GREB1L: variants seen among roughly 807,000 people sequenced by gnomAD.
GREB1L encodes the protein GREB1-like protein.
Under a neutral mutation model 200.8 loss-of-function variants are expected in GREB1L, and 17 were observed. The observed-to-expected ratio is 0.08, with a 90% CI of 0.06 to 0.13. The LOEUF (loss-of-function observed/expected upper bound fraction) is 0.13, where lower values mean the gene tolerates loss of function less well. GREB1L is among the 10% of genes least tolerant of loss of function. The probability of loss-of-function intolerance (pLI) is 1.00; values close to 1 mark genes in which losing one functional copy is unlikely to be tolerated. For synonymous variants in GREB1L, 789 were observed against 893.0 expected (o/e 0.88, Z 2.08); for missense variants, 1,657 against 2,367.7 (o/e 0.70, Z 6.23).
intron 1 of GREB1L, among the ~76,000 whole-genome samples, chr18:21,276,309 A>G (rs759858450): frequency 2.6e-5 from 4 of 152,040 alleles, no homozygotes; most frequent in Non-Finnish European, 5.9e-5. Flanking sequence ...TAACTCTCCA[A>G]CCATTTATTC....
rs1294027013 is a variant in GREB1L at position 21,440,333 on chromosome 18, C to T, written c.1014C>T (p.Leu338=). Residue 338 remains leucine (L), a synonymous_variant, in exon 9 of 33, where the codon CTC becomes CTT. Coordinates refer to ENST00000424526, the MANE Select transcript of GREB1L (RefSeq NM_001142966.3). ...RHRGWYPGSP[L]PQPGLVVPVP... ...GGGGATGGTATCCTGGGTCACCTCT[C>T]CCCCAACCTGGCTTAGTTGTACCTG... 1.3e-6 allele frequency: 2 copies of T among 1,551,486 alleles called. No individual in the cohort carries two copies. The highest frequency in any genetic ancestry group is 1.7e-6 in the Non-Finnish European group (2 of 1,146,628).
chr18:21,248,369 C>T (rs1434826216), intron 1 of GREB1L, among the ~76,000 whole-genome samples: 1 of 151,948 alleles, frequency 6.6e-6, no homozygotes, highest in Non-Finnish European at 1.5e-5. Context: ...TAAATGTTGG[C>T]AATACATTTT....
chr18:21,430,057 C>A lies in GREB1L; in HGVS notation c.833-9464C>A, dbSNP rs116205729. Among the ~76,000 whole-genome samples, 634 of 152,192 alleles carry A rather than the reference C, an allele frequency of 4.2e-3. 7 individuals carry two copies. Among genetic ancestry groups the A allele is most frequent in the African/African-American group, 0.014 (588 of 41,498 alleles). ...GTGTATGGGCACATTCCTGATGTCT[C>A]TTCTTCTTTTAAGGACACCAGTCCT... On this transcript the variant is annotated intron_variant, in intron 7 of 32. Transcript: ENST00000424526.
intron 2 of GREB1L, among the ~76,000 whole-genome samples, chr18:21,375,037 TTTTTGTTTTG>T (rs933507413): frequency 6.7e-6 from 1 of 149,514 alleles, no homozygotes; most frequent in Non-Finnish European, 1.5e-5. Flanking sequence ...GTGAGGAGGT[TTTTTGTTTTG>T]TTTTGTTTTG....
chr18:21,262,852 G>T (rs2037910728), intron 1 of GREB1L, among the ~76,000 whole-genome samples: 1 of 152,168 alleles, frequency 6.6e-6, no homozygotes, highest in Non-Finnish European at 1.5e-5. Context: ...AAGTTAGTAT[G>T]AATATTTTTA....
At chr18:21,337,996 G>GA (rs780548578) in intron 1 of GREB1L, among the ~76,000 whole-genome samples, 162 of 151,846 alleles carry the variant, frequency 1.1e-3, no homozygotes, top group Middle Eastern at 3.4e-3. Flanking sequence ...CAAAAAAAAA[G>GA]AAAAAAAATT....
In GREB1L at chr18:21,389,337, T is replaced by G. The variant is rs1267512836; in HGVS notation, c.355+4934T>G. Among the ~76,000 whole-genome samples the G allele has an allele frequency of 6.8e-5, 10 of 147,806 alleles. No homozygotes were observed. The East Asian group carries it at 1.2e-3, about 17-fold the overall frequency. ...ACCCCCATCATTATGGGGTGGGTTTTTTTTTTTTTTTTTTCATCAAATAGG... is the reference window on the plus strand; with the variant it reads ...ACCCCCATCATTATGGGGTGGGTTTGTTTTTTTTTTTTTTCATCAAATAGG... On this transcript the variant is annotated intron_variant, in intron 4 of 32. Coordinates refer to ENST00000424526, the MANE Select transcript of GREB1L (RefSeq NM_001142966.3).
intron 7 of GREB1L, among the ~76,000 whole-genome samples, chr18:21,423,838 A>G (rs2032355754): frequency 6.6e-6 from 1 of 152,196 alleles, no homozygotes. Context: ...AGCCTGGGTA[A>G]CAGAGTGAGA....
chr18:21,359,618 T>C (rs2039554067), intron 1 of GREB1L, among the ~76,000 whole-genome samples: 1 of 152,234 alleles, frequency 6.6e-6, no homozygotes, highest in Non-Finnish European at 1.5e-5. Context: ...TGTCACGACT[T>C]GAGGAACTGC....
intron 1 of GREB1L, among the ~76,000 whole-genome samples, chr18:21,293,366 CTTGACA>C (rs2038479484): frequency 6.6e-6 from 1 of 152,074 alleles, no homozygotes; most frequent in Admixed American, 6.5e-5. Context: ...GGTGGTAACC[CTTGACA>C]TAAAATCTCT....
chr18:21,402,448 T>C (rs1317047073), intron 6 of GREB1L, among the ~76,000 whole-genome samples: 2 of 151,652 alleles, frequency 1.3e-5, no homozygotes, highest in Admixed American at 1.3e-4. Context: ...CTTTTCTTTC[T>C]TTCTTCCTTC....
intron 7 of GREB1L, among the ~76,000 whole-genome samples, chr18:21,421,611 A>G (rs1395459447): frequency 6.6e-6 from 1 of 152,242 alleles, no homozygotes; most frequent in African/African-American, 2.4e-5. Flanking sequence ...TCATCTGGAA[A>G]ACCTTTAACA....
intron 1 of GREB1L, among the ~76,000 whole-genome samples, chr18:21,357,594 A>G (rs1262999375): frequency 6.6e-6 from 1 of 152,176 alleles, no homozygotes; most frequent in Non-Finnish European, 1.5e-5. Flanking sequence ...GTTTTCGTCT[A>G]GTAGTTTTAT....
intron 1 of GREB1L, among the ~76,000 whole-genome samples, chr18:21,258,982 T>C (rs1326257298): frequency 6.6e-6 from 1 of 152,170 alleles, no homozygotes; most frequent in Admixed American, 6.5e-5. Context: ...CTGTACAGTA[T>C]AGATGTTACA....
chr18:21,361,943 T>A (rs1308401976), intron 1 of GREB1L, among the ~76,000 whole-genome samples: 2 of 152,316 alleles, frequency 1.3e-5, no homozygotes, highest in East Asian at 1.9e-4. Context: ...TAGTTTTGGA[T>A]TAATAGATTG....
At chr18:21,400,943 G>A (rs192775340) in intron 5 of GREB1L, among the ~76,000 whole-genome samples, 1 of 152,140 alleles carries the variant, frequency 6.6e-6, no homozygotes. Context: ...TCCTTTTAGA[G>A]CAGCATTTAA....
intron 7 of GREB1L, chr18:21,435,024 G>A (rs1214071291): frequency 6.6e-6 from 1 of 152,642 alleles, no homozygotes; most frequent in African/African-American, 2.4e-5. Context: ...TAACAATGTT[G>A]TGAAACCACT....
chr18:21,316,146 G>A (rs1210577186), intron 1 of GREB1L, among the ~76,000 whole-genome samples: 1 of 152,150 alleles, frequency 6.6e-6, no homozygotes, highest in African/African-American at 2.4e-5. Context: ...GATGAGGAAA[G>A]GAGCCAGAGG....
At chr18:21,444,528 A>G in intron 11 of GREB1L, 119 bp downstream of exon 11, 1 of 825,244 alleles carries the variant, frequency 1.2e-6, no homozygotes, top group Non-Finnish European at 1.9e-6. Flanking sequence ...TTCGCTTCTA[A>G]TGTTCTTTCC....
Sources: allele counts gnomAD v4.1 joint callset (sites outside exome capture counted in the v4.1 genomes callset), GRCh38; gene constraint gnomAD v4.1.1; transcripts MANE v1.5; gene names NCBI Gene and HGNC (gene_info 2026-07-23, HGNC 2026-07-21).